DRC9: variants seen among roughly 807,000 people sequenced by gnomAD.
DRC9 encodes dynein regulatory complex subunit 9.
the DRC9 span, chr3:197,954,215 C>T: frequency 2.2e-5 from 33 of 1,515,170 alleles, no homozygotes; most frequent in East Asian, 4.5e-4. Context: ...TGTGCTTTGA[C>T]TTCTGAGGAC....
At chr3:197,911,006 A>C in the DRC9 span, among the ~76,000 whole-genome samples, 2 of 151,982 alleles carry the variant, frequency 1.3e-5, no homozygotes, top group Admixed American at 1.3e-4. Context: ...AAAAGAAAGA[A>C]AGACTCCAGG....
At chr3:197,913,710 C>A in the DRC9 span, 1 of 733,970 alleles carries the variant, frequency 1.4e-6, no homozygotes, top group South Asian at 1.6e-5. Flanking sequence ...TCTCTGCTTG[C>A]GAACACGCAT....
chr3:197,960,049 C>A, the DRC9 span: 2 of 607,526 alleles, frequency 3.3e-6, no homozygotes, highest in Non-Finnish European at 5.7e-6. Context: ...ATTTATTGGC[C>A]GGCTTCGCGC....
At chr3:197,950,966 C>T in the DRC9 span, 2 of 1,613,970 alleles carry the variant, frequency 1.2e-6, no homozygotes, top group Non-Finnish European at 1.7e-6. Context: ...CTAAAAGGAA[C>T]TATGTCTGGA....
the DRC9 span, among the ~76,000 whole-genome samples, chr3:197,925,262 T>C: frequency 1.5e-4 from 9 of 60,204 alleles, no homozygotes; most frequent in East Asian, 5.4e-4. Context: ...GAGGATGGGA[T>C]GAGGTCATCT....
At chr3:197,932,728 G>A in the DRC9 span, among the ~76,000 whole-genome samples, 2,935 of 147,926 alleles carry the variant, frequency 0.02, 106 homozygotes, top group African/African-American at 0.069. Context: ...TTGGGAGGCT[G>A]AGGTGGAAGA....
the DRC9 span, among the ~76,000 whole-genome samples, chr3:197,901,091 A>C: frequency 6.6e-6 from 1 of 152,186 alleles, no homozygotes; most frequent in East Asian, 1.9e-4. The surrounding 1 kb of genome is among the most constrained non-coding windows in gnomAD (Gnocchi z 4.4). Context: ...TACCACCTCA[A>C]CTATAATGGG....
At chr3:197,894,681 C>T in the DRC9 span, 2 of 152,182 alleles carry the variant, frequency 1.3e-5, no homozygotes, top group African/African-American at 4.8e-5. Context: ...CTTTCAGACT[C>T]GGGGACGATG....
At chr3:197,953,069 G>C in the DRC9 span, among the ~76,000 whole-genome samples, 1 of 152,242 alleles carries the variant, frequency 6.6e-6, no homozygotes, top group Non-Finnish European at 1.5e-5. Context: ...AAAGTGCTGG[G>C]ATTACAGGCG....
At chr3:197,920,194 G>A in the DRC9 span, among the ~76,000 whole-genome samples, 1 of 151,972 alleles carries the variant, frequency 6.6e-6, no homozygotes, top group African/African-American at 2.4e-5. Flanking sequence ...AGGAGACAGA[G>A]TGAGATCACA....
At chr3:197,913,695 T>C in the DRC9 span, 6 of 693,146 alleles carry the variant, frequency 8.7e-6, no homozygotes, top group African/African-American at 1.8e-5. Context: ...TACAGCCCAC[T>C]GGAATCTCTG....
At chr3:197,934,981 T>C in the DRC9 span, among the ~76,000 whole-genome samples, 1 of 151,464 alleles carries the variant, frequency 6.6e-6, no homozygotes, top group Non-Finnish European at 1.5e-5. Flanking sequence ...AAAATAATGA[T>C]AATAATAAAA....
the DRC9 span, among the ~76,000 whole-genome samples, chr3:197,895,564 C>G: frequency 1.3e-5 from 2 of 152,054 alleles, no homozygotes; most frequent in African/African-American, 2.4e-5. Context: ...CCATGCCCAG[C>G]CTATTTATAC....
the DRC9 span, among the ~76,000 whole-genome samples, chr3:197,918,500 A>G: frequency 1.3e-5 from 2 of 152,000 alleles, no homozygotes; most frequent in African/African-American, 4.8e-5. Context: ...AATCCCTTAG[A>G]TTTCCTTCAA....
the DRC9 span, among the ~76,000 whole-genome samples, chr3:197,893,353 G>A: frequency 7.2e-5 from 4 of 55,726 alleles, no homozygotes; most frequent in African/African-American, 4.3e-4. Context: ...GCAAAACTCC[G>A]TCTCAAAAAA....
the DRC9 span, chr3:197,951,389 T>C: frequency 6.7e-7 from 1 of 1,487,210 alleles, no homozygotes; most frequent in Non-Finnish European, 9.4e-7. Context: ...AGTCTTGCTC[T>C]GTTGCCGAGG....
chr3:197,904,850 G>A, the DRC9 span, among the ~76,000 whole-genome samples: 1 of 152,070 alleles, frequency 6.6e-6, no homozygotes, highest in Non-Finnish European at 1.5e-5. Context: ...TCAAAAAGGA[G>A]TAAATAAATA....
the DRC9 span, among the ~76,000 whole-genome samples, chr3:197,908,583 A>G: frequency 2.1e-5 from 3 of 144,104 alleles, no homozygotes; most frequent in Admixed American, 6.9e-5. Context: ...TCTGAAGAGC[A>G]AGCAACCCTT....
At chr3:197,952,282 G>A in the DRC9 span, among the ~76,000 whole-genome samples, 1 of 140,616 alleles carries the variant, frequency 7.1e-6, no homozygotes, top group African/African-American at 2.7e-5. Context: ...GGATTCTCCT[G>A]CCTTAGCCTC....
Sources: gnomAD v4.1 joint callset for allele counts (sites outside exome capture counted in the v4.1 genomes callset) on GRCh38, gnomAD v4.1.1 for gene constraint, Gnocchi (gnomAD v3.1) non-coding constraint, MANE v1.5 for transcripts, NCBI Gene and HGNC (gene_info 2026-07-23, HGNC 2026-07-21) for gene names.